The following UBR3 variants were observed in gnomAD, a reference collection of about 807,000 sequenced individuals.
UBR3 encodes the protein ubiquitin protein ligase E3 component n-recognin 3.
A neutral mutation model predicts 243.2 loss-of-function variants in UBR3; 85 were observed. That is an observed-to-expected ratio of 0.35 (90% CI 0.29 to 0.42). The LOEUF is 0.42. Ranked by LOEUF, UBR3 falls within the 10% of genes least tolerant of loss-of-function variation. The probability of loss-of-function intolerance (pLI) is 1.00; values close to 1 mark genes in which losing one functional copy is unlikely to be tolerated. For synonymous variants in UBR3, 748 were observed against 799.8 expected (o/e 0.94, Z 1.09); for missense variants, 1,686 against 2,300.8 (o/e 0.73, Z 5.47).
intron 27 of UBR3, among the ~76,000 whole-genome samples, chr2:170,005,665 G>A (rs941604991): frequency 2.6e-5 from 4 of 152,176 alleles, no homozygotes; most frequent in African/African-American, 9.6e-5. Flanking sequence ...GGACAAGGAT[G>A]TTGTTATGGT....
intron 27 of UBR3, among the ~76,000 whole-genome samples, chr2:170,006,512 A>G (rs1199150257): frequency 6.6e-6 from 1 of 152,236 alleles, no homozygotes; most frequent in East Asian, 1.9e-4. Flanking sequence ...TTTAGCAGTT[A>G]GACCCCTTAG....
At chr2:170,071,667 T>C (rs1177970515) in intron 35 of UBR3, among the ~76,000 whole-genome samples, 2 of 152,180 alleles carry the variant, frequency 1.3e-5, no homozygotes. Context: ...AATGGAAGAA[T>C]TGTAAATTTC....
intron 5 of UBR3, among the ~76,000 whole-genome samples, chr2:169,881,930 CATATA>C (rs201618268): frequency 0.43 from 52,541 of 121,192 alleles, 12,586 homozygotes; most frequent in Non-Finnish European, 0.55. Context: ...TACATGTATA[CATATA>C]ATATAATTAC....
At chr2:169,881,202 TAG>T (rs925698557) in intron 5 of UBR3, among the ~76,000 whole-genome samples, 2 of 152,052 alleles carry the variant, frequency 1.3e-5, no homozygotes, top group Non-Finnish European at 1.5e-5. Flanking sequence ...TTTTTTGAGA[TAG>T]AGTCTTGCTA....
rs536745735 is a variant in UBR3 at position 169,878,233 on chromosome 2, C to A, written c.989-292C>A. ...AAAATTAGCTGGGCGTGCTGGCAGG[C>A]GCCTGTAAGCCCAGCTACTTGGGAA... On this transcript the variant is annotated intron_variant, in intron 4 of 38. Transcript: ENST00000272793. Among the ~76,000 whole-genome samples, 8 of 152,070 alleles carry A rather than the reference C, an allele frequency of 5.3e-5. No individual in the cohort carries two copies. The South Asian group carries it at 1.5e-3, about 28-fold the overall frequency.
intron 21 of UBR3, among the ~76,000 whole-genome samples, chr2:169,947,136 TA>T (rs1226451786): frequency 2.6e-5 from 4 of 152,126 alleles, no homozygotes; most frequent in African/African-American, 9.6e-5. Context: ...TCATAGATTT[TA>T]AAAGGTTATA....
chr2:169,922,986 A>G (rs1028100465), intron 11 of UBR3, among the ~76,000 whole-genome samples: 1 of 152,198 alleles, frequency 6.6e-6, no homozygotes, highest in Non-Finnish European at 1.5e-5. Flanking sequence ...AACATTTTTA[A>G]CAAGAGAATA....
In UBR3 at chr2:169,926,825, TTTC is replaced by T. The variant is rs1397523767; in HGVS notation, c.2205-7_2205-5del. 7.8e-6 allele frequency: 12 copies of T among 1,546,932 alleles called. No homozygotes were observed. Among genetic ancestry groups the T allele is most frequent in the African/African-American group, 1.4e-5 (1 of 72,910 alleles). On this transcript the variant is annotated splice_polypyrimidine_tract_variant and intron_variant, in intron 15 of 38. Transcript: ENST00000272793. ...AATTTATAAAAATATGTTTCAAATA[TTTC>T]TTCTTGTAGATTTAAGGTAGTGGAT...
intron 10 of UBR3, among the ~76,000 whole-genome samples, chr2:169,910,212 A>G (rs1283939881): frequency 6.6e-6 from 1 of 152,138 alleles, no homozygotes; most frequent in African/African-American, 2.4e-5. Context: ...TCACCAAGGG[A>G]TGGATGAGAT....
chr2:169,937,283 C>T (rs1262869856), intron 19 of UBR3, among the ~76,000 whole-genome samples: 1 of 152,120 alleles, frequency 6.6e-6, no homozygotes, highest in African/African-American at 2.4e-5. Flanking sequence ...TTTCATATGT[C>T]TGTTGGCTGC....
intron 1 of UBR3, among the ~76,000 whole-genome samples, chr2:169,832,217 T>C (rs916791549): frequency 1.3e-5 from 2 of 152,212 alleles, no homozygotes; most frequent in Non-Finnish European, 2.9e-5. Flanking sequence ...AGGATTCATT[T>C]GTGGGATGAA....
intron 1 of UBR3, among the ~76,000 whole-genome samples, chr2:169,849,856 G>T (rs2082600206): frequency 6.6e-6 from 1 of 152,152 alleles, no homozygotes. Context: ...TTAAAAGGGG[G>T]CCTAACATAA....
At chr2:169,916,000 C>T (rs2085448770) in intron 11 of UBR3, among the ~76,000 whole-genome samples, 1 of 152,042 alleles carries the variant, frequency 6.6e-6, no homozygotes, top group South Asian at 2.1e-4. Flanking sequence ...CTCATAGTTT[C>T]CCCACCCATT....
intron 19 of UBR3, among the ~76,000 whole-genome samples, chr2:169,939,648 T>G (rs1337758248): frequency 6.6e-6 from 1 of 150,976 alleles, no homozygotes; most frequent in African/African-American, 2.4e-5. Context: ...ACTGTAGCCT[T>G]TAACTCCTGG....
At chr2:170,074,927 T>C (rs2091773020) in intron 36 of UBR3, among the ~76,000 whole-genome samples, 1 of 152,184 alleles carries the variant, frequency 6.6e-6, no homozygotes, top group Admixed American at 6.5e-5. Flanking sequence ...TAAATATTTG[T>C]AGAACAATTA....
intron 1 of UBR3, among the ~76,000 whole-genome samples, chr2:169,856,580 C>A (rs1044904235): frequency 6.6e-6 from 1 of 152,216 alleles, no homozygotes; most frequent in Non-Finnish European, 1.5e-5. Context: ...TCTGCAATCC[C>A]GGCACCTCGG....
Position 169,981,115 on chromosome 2 carries a change from T to C in UBR3, c.3635-5530T>C, listed in dbSNP as rs570152567. Among the ~76,000 whole-genome samples, 63 of 152,158 alleles carry C rather than the reference T, an allele frequency of 4.1e-4. 1 individual carries two copies. The highest frequency in any genetic ancestry group is 3.5e-3 in the Admixed American group (54 of 15,284). On this transcript the variant is annotated intron_variant, in intron 24 of 38. Transcript: ENST00000272793. ...AATGAGTATATACTAGTATAAATGA[T>C]TGAATAAATAAGGTAGCATAGAGAA...
intron 24 of UBR3, among the ~76,000 whole-genome samples, chr2:169,980,350 A>T (rs2088660897): frequency 6.6e-6 from 1 of 152,294 alleles, no homozygotes. Context: ...ATACAGGCAT[A>T]TGCATATGCA....
At chr2:170,075,567 TTTGA>T (rs2091790104) in intron 36 of UBR3, among the ~76,000 whole-genome samples, 1 of 152,296 alleles carries the variant, frequency 6.6e-6, no homozygotes, top group African/African-American at 2.4e-5. Context: ...GTAGTAGACA[TTTGA>T]TTAATTTATT....
Sources: gnomAD v4.1 joint callset for allele counts (sites outside exome capture counted in the v4.1 genomes callset) on GRCh38, gnomAD v4.1.1 for gene constraint, MANE v1.5 for transcripts, NCBI Gene and HGNC (gene_info 2026-07-23, HGNC 2026-07-21) for gene names.